DGKH: variants seen among roughly 807,000 people sequenced by gnomAD.
DGKH encodes the protein diacylglycerol kinase eta.
Under a neutral mutation model 159.3 loss-of-function variants are expected in DGKH, and 90 were observed. That is an observed-to-expected ratio of 0.57 (90% CI 0.48 to 0.67). DGKH has a LOEUF of 0.67. Among genes scored for constraint, DGKH ranks in the 30% least tolerant of loss-of-function variants. The pLI, the probability that DGKH is intolerant of heterozygous loss-of-function variation, is 0.00. For missense variants in DGKH, 1,181 were observed against 1,506.1 expected (o/e 0.78, Z 3.57); for synonymous variants, 536 against 553.8 (o/e 0.97, Z 0.45).
At chr13:42,126,067 A>T (rs1385354362) in intron 1 of DGKH, among the ~76,000 whole-genome samples, 2 of 152,166 alleles carry the variant, frequency 1.3e-5, no homozygotes, top group Non-Finnish European at 2.9e-5. Context: ...CATGGCCTCT[A>T]AGGTAATCCT....
At chr13:42,177,172 C>T (rs1001334120) in intron 12 of DGKH, among the ~76,000 whole-genome samples, 1 of 152,156 alleles carries the variant, frequency 6.6e-6, no homozygotes, top group Non-Finnish European at 1.5e-5. Flanking sequence ...CATAAGCCCC[C>T]TCATGCCCTC....
In DGKH at chr13:42,187,129, C is replaced by T. The variant is rs1956951582; in HGVS notation, c.1619C>T (p.Ala540Val). 1.9e-6 allele frequency: 3 copies of T among 1,613,994 alleles called. No individual in the cohort carries two copies. Among genetic ancestry groups the T allele is most frequent in the East Asian group, 4.5e-5 (2 of 44,864 alleles). ...YDKTLENAVV[A>V]DAVASKCSVL... ...AAAACCTTGGAAAATGCCGTTGTAGCTGATGCCGTGGCCAGTAAAGTAAGA... is the reference window on the plus strand; with the variant it reads ...AAAACCTTGGAAAATGCCGTTGTAGTTGATGCCGTGGCCAGTAAAGTAAGA... Residue 540 changes from alanine (A) to valine (V), a missense_variant, in exon 14 of 30, where the codon GCT becomes GTT. Coordinates refer to ENST00000337343, the MANE Select transcript of DGKH (RefSeq NM_178009.5).
chr13:42,080,644 TC>T (rs1426250141), intron 1 of DGKH, among the ~76,000 whole-genome samples: 1 of 152,152 alleles, frequency 6.6e-6, no homozygotes, highest in Non-Finnish European at 1.5e-5. Context: ...GAAGGAAAAA[TC>T]AAGTCTACAA....
chr13:42,043,060 A>G (rs954951778), intron 1 of DGKH, among the ~76,000 whole-genome samples: 1 of 152,216 alleles, frequency 6.6e-6, no homozygotes, highest in Non-Finnish European at 1.5e-5. Flanking sequence ...AAAATCCATC[A>G]AAATTGGGGA....
At chr13:42,215,718 G>A (rs371340103) in intron 26 of DGKH, 51 bp downstream of exon 26, 3 of 1,489,746 alleles carry the variant, frequency 2.0e-6, no homozygotes, top group African/African-American at 1.4e-5. Context: ...AAATGTCTGG[G>A]TCTTACCTTC....
chr13:42,076,128 T>C (rs1044273917), intron 1 of DGKH, among the ~76,000 whole-genome samples: 28 of 152,194 alleles, frequency 1.8e-4, no homozygotes, highest in Non-Finnish European at 4.0e-4. Flanking sequence ...CCTCAAAATT[T>C]AGTCTATGAT....
chr13:42,182,598 A>C (rs559095977), intron 13 of DGKH, among the ~76,000 whole-genome samples: 16 of 152,202 alleles, frequency 1.1e-4, no homozygotes, highest in Non-Finnish European at 1.9e-4. Context: ...TGTATTGTTC[A>C]GGGAATGATG....
chr13:42,055,290 C>A (rs1204799583), intron 1 of DGKH, among the ~76,000 whole-genome samples: 1 of 152,156 alleles, frequency 6.6e-6, no homozygotes, highest in African/African-American at 2.4e-5. Context: ...AAAATCTAAT[C>A]TTTGTAGAAC....
intron 13 of DGKH, among the ~76,000 whole-genome samples, chr13:42,186,012 T>G (rs894427813): frequency 6.7e-5 from 3 of 45,034 alleles, no homozygotes; most frequent in African/African-American, 1.8e-4. Context: ...GTGGTGGTGG[T>G]GTGTGTGTGT....
intron 1 of DGKH, among the ~76,000 whole-genome samples, chr13:42,094,449 G>T (rs886617863): frequency 6.6e-6 from 1 of 151,960 alleles, no homozygotes; most frequent in African/African-American, 2.4e-5. Flanking sequence ...GGAAATATTA[G>T]AATTTAGTGT....
chr13:42,198,458 G>A lies in DGKH; in HGVS notation c.2168-20G>A, dbSNP rs1431435347. The A allele has an allele frequency of 3.1e-6, 5 of 1,601,520 alleles. No homozygotes were observed. The Admixed American group carries it at 5.0e-5, about 16-fold the overall frequency. On this transcript the variant is annotated intron_variant, in intron 17 of 29. Coordinates refer to ENST00000337343, the MANE Select transcript of DGKH (RefSeq NM_178009.5). ...TTTTTCTTAACATGCGATCCCATAT[G>A]TGTTTGCTTTTCTTTCCAGGTTTAA... is the stretch of plus-strand genomic sequence containing the variant.
chr13:42,078,304 T>G lies in DGKH; in HGVS notation c.192+29339T>G, dbSNP rs149646675. ...TGCCACTGGACTGTAAGTGTTAAGT[T>G]GCCATCTAGAGGTCAGGAGGCCGCT... On this transcript the variant is annotated intron_variant, in intron 1 of 29. Coordinates refer to ENST00000337343, the MANE Select transcript of DGKH (RefSeq NM_178009.5). Among the ~76,000 whole-genome samples the G allele has an allele frequency of 2.9e-3, 444 of 152,328 alleles. 2 individuals carry two copies. Among genetic ancestry groups the G allele is most frequent in the African/African-American group, 0.01 (426 of 41,572 alleles).
chr13:42,041,009 C>T (rs929661714), intron 1 of DGKH, among the ~76,000 whole-genome samples: 2 of 151,668 alleles, frequency 1.3e-5, no homozygotes, highest in African/African-American at 4.8e-5. Flanking sequence ...GGCCGGGTTC[C>T]GTTCAGGAAA....
chr13:42,141,028 C>CCAATAACTCGTCATTTACATTAGGTATAT (rs55860412), intron 3 of DGKH, among the ~76,000 whole-genome samples: 3 of 52,094 alleles, frequency 5.8e-5, no homozygotes, highest in Non-Finnish European at 1.2e-4. Flanking sequence ...TGTGCTGAAC[C>CCAATAACTCGTCATTTACATTAGGTATAT]CTCCTAATGC....
chr13:42,234,097 GAAT>G lies in DGKH; in HGVS notation c.*4914_*4916del. ...ATAATTCCTTAAAATAGTGCCTGAA[GAAT>G]AATATTTCATATTCTTGACCCCCAA... is the stretch of plus-strand genomic sequence containing the variant. On this transcript the variant is annotated 3_prime_UTR_variant, in exon 30 of 30. Coordinates refer to ENST00000337343, the MANE Select transcript of DGKH (RefSeq NM_178009.5). The G allele has an allele frequency of 6.6e-6, 1 of 151,782 alleles. No homozygotes were observed. The highest frequency in any genetic ancestry group is 1.9e-4 in the East Asian group (1 of 5,148). 9.4% of individuals were successfully genotyped at this position (151,782 alleles called of 1,614,324 possible). A position where few individuals can be genotyped will look rare whatever the true frequency, so the allele number is the denominator to read the frequency against.
intron 12 of DGKH, among the ~76,000 whole-genome samples, chr13:42,177,141 C>T (rs1956624413): frequency 6.6e-6 from 1 of 152,136 alleles, no homozygotes; most frequent in African/African-American, 2.4e-5. Flanking sequence ...TGCCAGGCCA[C>T]CCGTCAGTGT....
At chr13:42,188,272 T>C (rs1332984570) in intron 14 of DGKH, among the ~76,000 whole-genome samples, 3 of 152,158 alleles carry the variant, frequency 2.0e-5, no homozygotes, top group Non-Finnish European at 4.4e-5. Flanking sequence ...GAAAAGTATA[T>C]TGGGGGGTAG....
chr13:42,119,147 C>T (rs1298829510), intron 1 of DGKH, among the ~76,000 whole-genome samples: 1 of 152,190 alleles, frequency 6.6e-6, no homozygotes, highest in African/African-American at 2.4e-5. Flanking sequence ...TGATGCAGCT[C>T]ATCATATAAC....
chr13:42,214,550 C>T lies in DGKH; in HGVS notation c.3058C>T (p.Leu1020=). Residue 1020 remains leucine (L), a synonymous_variant, in exon 25 of 30, where the codon CTG becomes TTG. Transcript: ENST00000337343. ...ATIHCLLEQE[L]AHAVNACSHA... Reference sequence around the variant, plus strand: ...AATTCACTGTCTTTTGGAGCAAGAACTGGCCCATGCTGTGAATGCCTGCTC... The same window carrying T: ...AATTCACTGTCTTTTGGAGCAAGAATTGGCCCATGCTGTGAATGCCTGCTC... The T allele has an allele frequency of 1.2e-6, 2 of 1,613,574 alleles. No individual in the cohort carries two copies.
Sources: gnomAD v4.1 joint callset for allele counts (sites outside exome capture counted in the v4.1 genomes callset) on GRCh38, gnomAD v4.1.1 for gene constraint, MANE v1.5 for transcripts, NCBI Gene and HGNC (gene_info 2026-07-23, HGNC 2026-07-21) for gene names.